Variants in YWHAE observed in about 807,000 individuals in gnomAD.
YWHAE encodes 14-3-3 protein epsilon.
Under a neutral mutation model 30.1 loss-of-function variants are expected in YWHAE, and 4 were observed. The ratio of observed to expected loss-of-function variants is 0.13; its 90% confidence interval spans 0.07 to 0.30. The LOEUF (loss-of-function observed/expected upper bound fraction) is 0.30, where lower values mean the gene tolerates loss of function less well. Among genes scored for constraint, YWHAE ranks in the 10% least tolerant of loss-of-function variants. The pLI, the probability that YWHAE is intolerant of heterozygous loss-of-function variation, is 1.00. For synonymous variants in YWHAE, 118 were observed against 111.8 expected, an observed-to-expected ratio of 1.06 and a Z score of -0.35; for missense variants, 121 against 315.9, an observed-to-expected ratio of 0.38 and a Z score of 4.68.
chr17:1,369,815 T>A (rs935122113), intron 1 of YWHAE: 1 of 152,230 alleles, frequency 6.6e-6, no homozygotes, highest in Non-Finnish European at 1.5e-5. Context: ...AAAGTTATGT[T>A]TAAACTACAC....
intron 2 of YWHAE, among the ~76,000 whole-genome samples, chr17:1,364,430 G>A (rs2072913232): frequency 6.6e-6 from 1 of 152,076 alleles, no homozygotes; most frequent in African/African-American, 2.4e-5. Flanking sequence ...GTTTCACCAT[G>A]TTAGCCAGGA....
At chr17:1,391,163 A>T (rs1267202127) in intron 1 of YWHAE, among the ~76,000 whole-genome samples, 2 of 152,242 alleles carry the variant, frequency 1.3e-5, no homozygotes, top group African/African-American at 4.8e-5. Context: ...TTGGAATGCC[A>T]GCAAGCTCTA....
intron 5 of YWHAE, 55 bp from the exon 6 acceptor site, chr17:1,345,554 C>A: frequency 6.4e-7 from 1 of 1,564,246 alleles, no homozygotes. Flanking sequence ...TAGGCTATGG[C>A]AGCCACAAAC....
intron 1 of YWHAE, among the ~76,000 whole-genome samples, chr17:1,387,948 C>T (rs1354169564): frequency 1.6e-4 from 8 of 51,606 alleles, no homozygotes; most frequent in East Asian, 5.4e-4. Flanking sequence ...TTTTTTTTGA[C>T]GGAGTCTCAC....
intron 1 of YWHAE, 100 bp downstream of exon 1, chr17:1,399,947 G>A: frequency 6.8e-7 from 1 of 1,464,056 alleles, no homozygotes; most frequent in African/African-American, 1.4e-5. Flanking sequence ...CCCGGGCCAG[G>A]CTCGCAGACG....
chr17:1,388,590 T>G (rs2073343598), intron 1 of YWHAE, among the ~76,000 whole-genome samples: 1 of 145,164 alleles, frequency 6.9e-6, no homozygotes, highest in Admixed American at 6.7e-5. Flanking sequence ...TTTTTTTTTT[T>G]TAATAGAAAC....
chr17:1,347,600 G>A (rs1310814799), intron 5 of YWHAE, among the ~76,000 whole-genome samples: 1 of 152,140 alleles, frequency 6.6e-6, no homozygotes, highest in Non-Finnish European at 1.5e-5. Flanking sequence ...GAACTGATGG[G>A]CACCCAACTG....
intron 1 of YWHAE, among the ~76,000 whole-genome samples, chr17:1,371,173 C>T (rs1272319774): frequency 6.6e-6 from 1 of 152,102 alleles, no homozygotes; most frequent in Non-Finnish European, 1.5e-5. Context: ...GCCTCAACCT[C>T]CCCAGCTCAA....
At chr17:1,390,009 A>C (rs1271591502) in intron 1 of YWHAE, among the ~76,000 whole-genome samples, 2 of 151,900 alleles carry the variant, frequency 1.3e-5, no homozygotes, top group African/African-American at 4.8e-5. Context: ...ACTTCAAGCT[A>C]ATTTTGTATT....
At position 1,354,363 on chromosome 17, in the gene YWHAE, T is replaced by C. The variant is rs2072691219; in HGVS notation, c.579-16A>G. On this transcript the variant is annotated splice_polypyrimidine_tract_variant and intron_variant, in intron 4 of 5. Transcript: ENST00000264335. ...TTTTGCCAACCTAAAGGTATTTCAATAGAAGTGTTATAAAAATTAAGTCCA... is the reference window on the plus strand; with the variant it reads ...TTTTGCCAACCTAAAGGTATTTCAACAGAAGTGTTATAAAAATTAAGTCCA... 5 of 1,605,700 alleles carry C rather than the reference T, an allele frequency of 3.1e-6. No homozygotes were observed. The highest frequency in any genetic ancestry group is 1.3e-5 in the African/African-American group (1 of 74,596).
intron 4 of YWHAE, among the ~76,000 whole-genome samples, chr17:1,358,781 G>A (rs935154150): frequency 3.5e-5 from 5 of 143,412 alleles, no homozygotes; most frequent in African/African-American, 5.3e-5. Flanking sequence ...AGTGAGCTGC[G>A]ATCGCACCAC....
At chr17:1,384,560 G>C (rs1320760449) in intron 1 of YWHAE, among the ~76,000 whole-genome samples, 1 of 151,958 alleles carries the variant, frequency 6.6e-6, no homozygotes, top group South Asian at 2.1e-4. Flanking sequence ...AGGCATGGTG[G>C]CAGGCACCTG....
At chr17:1,359,813 TGTG>T (rs1567962413) in intron 4 of YWHAE, among the ~76,000 whole-genome samples, 1 of 5,452 alleles carries the variant, frequency 1.8e-4, no homozygotes, top group East Asian at 2.8e-3. Flanking sequence ...ACTAAATTGT[TGTG>T]TGTGTGTGTG....
chr17:1,391,798 C>G (rs540091204), intron 1 of YWHAE, among the ~76,000 whole-genome samples: 5 of 151,998 alleles, frequency 3.3e-5, no homozygotes. Context: ...AGTGGGATCC[C>G]GTCTCCACAA....
chr17:1,361,226 G>A lies in YWHAE; in HGVS notation c.444C>T (p.Ser148=), dbSNP rs761324586. ...GNDRKEAAEN[S]LVAYKAASDI... is the part of the protein sequence containing the mutation. ...CACTAGCAGCTTTATAAGCCACTAG[G>A]CTGTTCTCCGCAGCCTCCTTCCTGT... is the stretch of plus-strand genomic sequence containing the variant. Residue 148 remains serine, a synonymous_variant, in exon 4 of 6, where the codon AGC becomes AGT. Transcript: ENST00000264335. 1.1e-4 allele frequency: 172 copies of A among 1,613,728 alleles called. 5 individuals carry two copies. Among genetic ancestry groups the A allele is most frequent in the South Asian group, 6.3e-4 (57 of 91,056 alleles).
chr17:1,365,155 A>G, intron 1 of YWHAE, 97 bp from the exon 2 acceptor site: 1 of 1,286,780 alleles, frequency 7.8e-7, no homozygotes, highest in Non-Finnish European at 1.1e-6. Context: ...ACTGCGAAAA[A>G]AACATTTTAA....
At chr17:1,351,295 T>C (rs1049058914) in intron 5 of YWHAE, among the ~76,000 whole-genome samples, 1 of 151,818 alleles carries the variant, frequency 6.6e-6, no homozygotes, top group South Asian at 2.1e-4. Flanking sequence ...GGAGAATCAC[T>C]TGAACCCAGG....
Position 1,382,983 on chromosome 17 carries a change from C to T in YWHAE, c.64+17064G>A, listed in dbSNP as rs544645378. 1.6e-4 allele frequency among the ~76,000 whole-genome samples: 25 copies of T among 151,646 alleles called. 1 individual carries two copies. Among genetic ancestry groups the T allele is most frequent in the Admixed American group, 8.5e-4 (13 of 15,224 alleles). ...GAGGTTGCAGTGAGCTGACCTCATG[C>T]CACTGCACTCCAGCCCAGGTGACAA... On this transcript the variant is annotated intron_variant, in intron 1 of 5. Coordinates refer to ENST00000264335, the MANE Select transcript of YWHAE (RefSeq NM_006761.5).
At chr17:1,370,247 C>T (rs143821051) in intron 1 of YWHAE, among the ~76,000 whole-genome samples, 9,781 of 151,104 alleles carry the variant, frequency 0.065, 436 homozygotes, top group Non-Finnish European at 0.093. Flanking sequence ...CTGCCTCAGC[C>T]TCCCGAGTAG....
Sources: gnomAD v4.1 joint callset for allele counts (sites outside exome capture counted in the v4.1 genomes callset) on GRCh38, gnomAD v4.1.1 for gene constraint, MANE v1.5 for transcripts, NCBI Gene and HGNC (gene_info 2026-07-23, HGNC 2026-07-21) for gene names.